The following RANBP17 variants were observed in gnomAD, a reference collection of about 807,000 sequenced individuals.
RANBP17 encodes the protein RAN binding protein 17.
In RANBP17, 158 loss-of-function variants were observed where a neutral mutation model predicts 141.2. The ratio of observed to expected loss-of-function variants is 1.12; its 90% CI spans 0.98 to 1.28. The LOEUF (loss-of-function observed/expected upper bound fraction) is 1.28, where lower values mean the gene tolerates loss of function less well. Ranked by LOEUF, RANBP17 falls within the 50% of genes most tolerant of loss-of-function variation. RANBP17 has a pLI of 0.00. For missense variants in RANBP17, 1,438 were observed against 1,290.7 expected (o/e 1.11, Z -1.75); for synonymous variants, 430 against 450.0 (o/e 0.96, Z 0.56).
chr5:171,212,413 G>A (rs867318006), intron 20 of RANBP17, among the ~76,000 whole-genome samples: 1 of 152,110 alleles, frequency 6.6e-6, no homozygotes, highest in Non-Finnish European at 1.5e-5. Flanking sequence ...TGAAAGACAG[G>A]GATATGTTAG....
intron 12 of RANBP17, among the ~76,000 whole-genome samples, chr5:170,927,456 A>G (rs773662859): frequency 6.6e-4 from 100 of 151,746 alleles, no homozygotes; most frequent in Non-Finnish European, 5.3e-4. Flanking sequence ...TTAACTTTGC[A>G]TTTTTCTTAT....
intron 25 of RANBP17, among the ~76,000 whole-genome samples, chr5:171,285,530 A>G (rs1472275909): frequency 1.3e-5 from 2 of 152,224 alleles, no homozygotes; most frequent in Non-Finnish European, 2.9e-5. Flanking sequence ...ATCAAATCGA[A>G]AAGTGTTCTG....
At chr5:170,912,066 T>C (rs1771574092) in intron 7 of RANBP17, among the ~76,000 whole-genome samples, 1 of 151,950 alleles carries the variant, frequency 6.6e-6, no homozygotes, top group Non-Finnish European at 1.5e-5. Flanking sequence ...TGGAGAGGCC[T>C]CATATTCATG....
intron 14 of RANBP17, among the ~76,000 whole-genome samples, chr5:171,112,763 G>A (rs1049664635): frequency 9.2e-5 from 14 of 151,772 alleles, no homozygotes; most frequent in Non-Finnish European, 1.8e-4. Context: ...TTAAGTATCT[G>A]CCTTTTTTGT....
chr5:170,880,248 T>A (rs1480200856), intron 2 of RANBP17, among the ~76,000 whole-genome samples: 1 of 152,212 alleles, frequency 6.6e-6, no homozygotes, highest in Non-Finnish European at 1.5e-5. Flanking sequence ...ATTGGTAACA[T>A]TAATGGTATG....
chr5:171,054,274 C>T (rs1783194652), intron 14 of RANBP17, among the ~76,000 whole-genome samples: 1 of 152,040 alleles, frequency 6.6e-6, no homozygotes, highest in East Asian at 1.9e-4. Context: ...TAAAGAATGA[C>T]TACTCCATTG....
chr5:171,282,035 G>A (rs1767891193), intron 25 of RANBP17, among the ~76,000 whole-genome samples: 1 of 152,190 alleles, frequency 6.6e-6, no homozygotes, highest in South Asian at 2.1e-4. Context: ...GAATGGAAGG[G>A]CTGGCTTATC....
At chr5:171,060,369 C>T (rs1329115211) in intron 14 of RANBP17, among the ~76,000 whole-genome samples, 2 of 151,514 alleles carry the variant, frequency 1.3e-5, no homozygotes, top group Admixed American at 6.6e-5. Flanking sequence ...GAGTTTTTAG[C>T]ATGAAGGTGT....
intron 14 of RANBP17, among the ~76,000 whole-genome samples, chr5:171,027,088 A>G (rs1781280861): frequency 1.3e-5 from 2 of 152,108 alleles, no homozygotes; most frequent in Non-Finnish European, 2.9e-5. Context: ...CTCCCCCACT[A>G]TCCGTCCAGG....
chr5:170,874,809 G>A (rs1441763898), intron 1 of RANBP17, among the ~76,000 whole-genome samples: 1 of 151,874 alleles, frequency 6.6e-6, no homozygotes, highest in African/African-American at 2.4e-5. Flanking sequence ...TTTTTATTGG[G>A]GCATTTAGCC....
chr5:171,122,566 G>A (rs1171733890), intron 14 of RANBP17, among the ~76,000 whole-genome samples: 1 of 152,204 alleles, frequency 6.6e-6, no homozygotes, highest in Non-Finnish European at 1.5e-5. Context: ...AGCCTGGCCA[G>A]GATTGGCTCA....
intron 14 of RANBP17, among the ~76,000 whole-genome samples, chr5:171,018,587 G>A (rs1227607983): frequency 1.3e-5 from 2 of 152,146 alleles, no homozygotes; most frequent in Non-Finnish European, 2.9e-5. Context: ...GAATGCCTGT[G>A]ATTTTTGCAC....
rs750631077 is a variant in RANBP17, at chr5:170,909,709, T to C, written c.538T>C (p.Phe180Leu). ...AAAACACAGGAAAATAGCTACCTCA[T>C]TTCGTGATACTTCTCTCAAAGACGT... is the stretch of plus-strand genomic sequence containing the variant. ...SAKHRKIATSFRDTSLKDVLV... is the reference protein window; with the variant it reads ...SAKHRKIATSLRDTSLKDVLV... Residue 180 changes from phenylalanine to leucine, a missense_variant, in exon 6 of 28, where the codon TTT (phenylalanine) becomes CTT (leucine). Transcript: ENST00000523189. 6.3e-7 allele frequency: 1 copy of C among 1,599,738 alleles called. No homozygotes were observed. Among genetic ancestry groups the C allele is most frequent in the Non-Finnish European group, 8.6e-7 (1 of 1,169,216 alleles).
intron 25 of RANBP17, among the ~76,000 whole-genome samples, chr5:171,269,537 T>C (rs920032472): frequency 1.3e-5 from 2 of 152,176 alleles, no homozygotes; most frequent in Non-Finnish European, 2.9e-5. Flanking sequence ...TTAGCAGGGA[T>C]GGGTCCCATT....
chr5:171,168,703 T>G (rs1347846963), intron 14 of RANBP17, among the ~76,000 whole-genome samples: 1 of 152,332 alleles, frequency 6.6e-6, no homozygotes, highest in Middle Eastern at 3.4e-3. Context: ...ATGGTCACTT[T>G]AATCTTGTTA....
chr5:171,277,014 A>G (rs528799595), intron 25 of RANBP17, among the ~76,000 whole-genome samples: 1 of 149,122 alleles, frequency 6.7e-6, no homozygotes, highest in East Asian at 2.0e-4. Flanking sequence ...TTTTAACAAT[A>G]TGTATTCAAA....
intron 14 of RANBP17, among the ~76,000 whole-genome samples, chr5:171,137,674 C>T (rs1757406814): frequency 6.6e-6 from 1 of 150,814 alleles, no homozygotes; most frequent in African/African-American, 2.4e-5. Flanking sequence ...AATAATCTTT[C>T]TCTTTTCACT....
chr5:171,004,436 T>C (rs959770164), intron 14 of RANBP17, among the ~76,000 whole-genome samples: 1 of 152,040 alleles, frequency 6.6e-6, no homozygotes, highest in Non-Finnish European at 1.5e-5. Flanking sequence ...GGCACCAGAC[T>C]GGGGGAGTTT....
rs561201923 is a variant in RANBP17 at position 170,990,093 on chromosome 5, C to T, written c.1710+21716C>T. Reference sequence around the variant, plus strand: ...AAGTTTGAATGGTATTGCCATTGTTCAGATGATACTTTTAAGCAACAATTT... The same window carrying T: ...AAGTTTGAATGGTATTGCCATTGTTTAGATGATACTTTTAAGCAACAATTT... On this transcript the variant is annotated intron_variant, in intron 14 of 27. Coordinates refer to ENST00000523189, the MANE Select transcript of RANBP17 (RefSeq NM_022897.5). 2.6e-5 allele frequency among the ~76,000 whole-genome samples: 4 copies of T among 151,854 alleles called. No homozygotes were observed. In the South Asian group the frequency reaches 8.3e-4, roughly 31 times the overall value.
Sources: gnomAD v4.1 joint callset for allele counts (sites outside exome capture counted in the v4.1 genomes callset) on GRCh38, gnomAD v4.1.1 for gene constraint, MANE v1.5 for transcripts, NCBI Gene and HGNC (gene_info 2026-07-23, HGNC 2026-07-21) for gene names.